Variants in FHIT observed in about 807,000 individuals in gnomAD.
The protein encoded by FHIT is bis(5'-adenosyl)-triphosphatase.
In FHIT, 19 loss-of-function variants were observed where a neutral mutation model predicts 17.9. That is an observed-to-expected ratio of 1.06 (90% CI 0.74 to 1.56). FHIT has a LOEUF of 1.56. Among genes scored for constraint, FHIT ranks in the 40% most tolerant of loss-of-function variants. The pLI, the probability that FHIT is intolerant of heterozygous loss-of-function variation, is 0.00. For synonymous variants in FHIT, 81 were observed against 69.7 expected, an observed-to-expected ratio of 1.16 and a Z score of -0.81; for missense variants, 248 against 189.2, an observed-to-expected ratio of 1.31 and a Z score of -1.82.
intron 4 of FHIT, among the ~76,000 whole-genome samples, chr3:60,675,569 T>A (rs2107850945): frequency 6.6e-6 from 1 of 152,346 alleles, no homozygotes; most frequent in East Asian, 1.9e-4. Flanking sequence ...ATGCACCAGC[T>A]TCCAATACCG....
intron 5 of FHIT, among the ~76,000 whole-genome samples, chr3:60,446,049 C>A (rs945271069): frequency 1.3e-5 from 2 of 152,036 alleles, no homozygotes; most frequent in Non-Finnish European, 2.9e-5. Context: ...AACTGAAATG[C>A]CTACAGTACA....
chr3:60,048,752 T>C (rs766993004), intron 5 of FHIT, among the ~76,000 whole-genome samples: 73 of 152,202 alleles, frequency 4.8e-4, no homozygotes, highest in Admixed American at 1.6e-3. Context: ...AGTGAAAGGC[T>C]TTCAGGTAAA....
At chr3:60,244,603 A>C (rs1401471214) in intron 5 of FHIT, among the ~76,000 whole-genome samples, 1 of 152,072 alleles carries the variant, frequency 6.6e-6, no homozygotes, top group African/African-American at 2.4e-5. Flanking sequence ...GAAGCCACAA[A>C]ATTGTAAGGC....
At chr3:60,954,363 C>T (rs56037623) in intron 3 of FHIT, among the ~76,000 whole-genome samples, 7,143 of 152,180 alleles carry the variant, frequency 0.047, 208 homozygotes, top group South Asian at 0.068. Flanking sequence ...CATTTCCTGA[C>T]CAAACATTCA....
intron 3 of FHIT, among the ~76,000 whole-genome samples, chr3:60,883,628 CA>C (rs1705070686): frequency 6.6e-6 from 1 of 152,016 alleles, no homozygotes; most frequent in South Asian, 2.1e-4. Context: ...ACAGTCTATT[CA>C]TAAATGATGC....
chr3:61,213,870 T>C (rs375059304), intron 1 of FHIT, among the ~76,000 whole-genome samples: 2 of 152,054 alleles, frequency 1.3e-5, no homozygotes, highest in Admixed American at 6.6e-5. Context: ...AACCGCTCAA[T>C]TACATGGAAA....
chr3:61,069,011 G>C (rs1483305030), intron 2 of FHIT, among the ~76,000 whole-genome samples: 1 of 152,182 alleles, frequency 6.6e-6, no homozygotes, highest in Non-Finnish European at 1.5e-5. Flanking sequence ...TCTTGGTTGA[G>C]AGAAAGAGGG....
intron 5 of FHIT, among the ~76,000 whole-genome samples, chr3:60,270,798 C>G (rs1234716363): frequency 1.3e-5 from 2 of 152,158 alleles, no homozygotes; most frequent in African/African-American, 4.8e-5. Flanking sequence ...GAGAAAGAAT[C>G]TACAAAGAAC....
intron 5 of FHIT, among the ~76,000 whole-genome samples, chr3:60,148,113 C>A (rs1002039969): frequency 3.9e-5 from 6 of 152,100 alleles, no homozygotes; most frequent in African/African-American, 1.4e-4. Flanking sequence ...ATATTTACTG[C>A]CCATGAAGAG....
intron 5 of FHIT, among the ~76,000 whole-genome samples, chr3:60,171,197 T>A (rs916718831): frequency 2.6e-5 from 4 of 152,216 alleles, no homozygotes; most frequent in Non-Finnish European, 5.9e-5. Context: ...TATTTTTTTT[T>A]AAATACCTTC....
chr3:60,854,605 A>G (rs1703299254), intron 3 of FHIT, among the ~76,000 whole-genome samples: 1 of 126,784 alleles, frequency 7.9e-6, no homozygotes, highest in South Asian at 2.4e-4. Flanking sequence ...TTTCACTTTC[A>G]TTGTCATAGA....
At chr3:61,202,007 T>C (rs977264019) in intron 1 of FHIT, among the ~76,000 whole-genome samples, 1 of 151,938 alleles carries the variant, frequency 6.6e-6, no homozygotes, top group Non-Finnish European at 1.5e-5. Context: ...TACACACACA[T>C]GTACAAATAT....
At chr3:60,035,243 T>G (rs1187514498) in intron 5 of FHIT, among the ~76,000 whole-genome samples, 1 of 152,112 alleles carries the variant, frequency 6.6e-6, no homozygotes, top group East Asian at 1.9e-4. Flanking sequence ...TTTCACAGAA[T>G]GGCCACCATG....
intron 5 of FHIT, among the ~76,000 whole-genome samples, chr3:60,156,209 G>A (rs567442097): frequency 1.4e-4 from 22 of 151,942 alleles, no homozygotes; most frequent in African/African-American, 4.6e-4. Context: ...AAAATTAGCA[G>A]GGCGTGGTGA....
chr3:61,130,849 G>C lies in FHIT; in HGVS notation c.-164+69768C>G, dbSNP rs143232259. Among the ~76,000 whole-genome samples the C allele has an allele frequency of 2.6e-5, 4 of 152,316 alleles. No homozygotes were observed. The East Asian group carries it at 7.7e-4, about 29-fold the overall frequency. The stretch of plus-strand genomic sequence containing the variant: ...TGGTGACAGAGGATTCTGTCTTTGA[G>C]AAGCTGGGAGAACTGGAATAAGACA... On this transcript the variant is annotated intron_variant, in intron 2 of 9. Coordinates refer to ENST00000492590, the MANE Select transcript of FHIT (RefSeq NM_002012.4).
intron 7 of FHIT, among the ~76,000 whole-genome samples, chr3:59,971,104 C>T (rs1054782139): frequency 1.3e-5 from 2 of 151,888 alleles, no homozygotes; most frequent in South Asian, 2.1e-4. Flanking sequence ...TTTTTAACAC[C>T]GTAATGCCAC....
At chr3:61,164,026 A>T (rs558199423) in intron 2 of FHIT, among the ~76,000 whole-genome samples, 33 of 152,294 alleles carry the variant, frequency 2.2e-4, no homozygotes, top group Admixed American at 9.2e-4. Context: ...TCCTATTATA[A>T]ATCAGAAAAA....
intron 4 of FHIT, among the ~76,000 whole-genome samples, chr3:60,786,221 T>G (rs1700569987): frequency 6.6e-6 from 1 of 152,152 alleles, no homozygotes; most frequent in South Asian, 2.1e-4. Flanking sequence ...GGTGCCTAAA[T>G]GTTCTCATTT....
In FHIT at chr3:60,131,281, T is replaced by C. The variant is rs369871088; in HGVS notation, c.104-117129A>G. ...ATACCTAACACAATGTAATGCTATA[T>C]AGTTATTCTAACATATTGTTTTTAT... On this transcript the variant is annotated intron_variant, in intron 5 of 9. Coordinates refer to ENST00000492590, the MANE Select transcript of FHIT (RefSeq NM_002012.4). Among the ~76,000 whole-genome samples the C allele has an allele frequency of 1.9e-4, 29 of 152,064 alleles. 1 individual carries two copies. The highest frequency in any genetic ancestry group is 1.0e-3 in the Admixed American group (16 of 15,268).
Sources: allele counts gnomAD v4.1 joint callset (sites outside exome capture counted in the v4.1 genomes callset), GRCh38; gene constraint gnomAD v4.1.1; transcripts MANE v1.5; gene names NCBI Gene and HGNC (gene_info 2026-07-23, HGNC 2026-07-21).